The following AOAH variants were observed in gnomAD, a reference collection of about 807,000 sequenced individuals.
AOAH encodes acyloxyacyl hydrolase, also known as acyloxyacyl hydrolase (neutrophil).
In AOAH, 64 loss-of-function variants were observed where a neutral mutation model predicts 92.2. The ratio of observed to expected loss-of-function variants is 0.69; its 90% confidence interval spans 0.57 to 0.86. AOAH has a LOEUF of 0.86. Among genes scored for constraint, AOAH ranks in the 40% least tolerant of loss-of-function variants. The pLI is 0.00. For synonymous variants in AOAH, 263 were observed against 254.5 expected (o/e 1.03, Z -0.32); for missense variants, 656 against 694.6 (o/e 0.94, Z 0.62).
intron 1 of AOAH, among the ~76,000 whole-genome samples, chr7:36,705,583 T>C (rs1183642081): frequency 6.6e-6 from 1 of 152,116 alleles, no homozygotes; most frequent in Non-Finnish European, 1.5e-5. Context: ...GATTCAATGC[T>C]ATTCCCCTCA....
intron 1 of AOAH, among the ~76,000 whole-genome samples, chr7:36,689,643 G>A (rs12701521): frequency 0.026 from 3,925 of 152,290 alleles, 89 homozygotes; most frequent in Middle Eastern, 0.082. Context: ...TAGGGAAGAT[G>A]TGATTTTGGA....
chr7:36,693,199 A>G (rs1333002541), intron 1 of AOAH, among the ~76,000 whole-genome samples: 1 of 152,238 alleles, frequency 6.6e-6, no homozygotes, highest in Non-Finnish European at 1.5e-5. Context: ...ATCTTCTAAA[A>G]TAAATTTGAA....
At chr7:36,595,264 T>A (rs553963337) in intron 11 of AOAH, among the ~76,000 whole-genome samples, 1 of 152,348 alleles carries the variant, frequency 6.6e-6, no homozygotes, top group South Asian at 2.1e-4. Context: ...CCAGGTGCTG[T>A]GGCTTGTGCC....
At chr7:36,722,024 C>T (rs1472128118) in intron 1 of AOAH, among the ~76,000 whole-genome samples, 1 of 152,174 alleles carries the variant, frequency 6.6e-6, no homozygotes, top group African/African-American at 2.4e-5. Context: ...AGCCAACCCT[C>T]TAGCCATTCC....
At chr7:36,721,051 A>C (rs182373517) in intron 1 of AOAH, among the ~76,000 whole-genome samples, 9 of 152,190 alleles carry the variant, frequency 5.9e-5, no homozygotes, top group African/African-American at 2.2e-4. Flanking sequence ...TGCTTCCCAC[A>C]TACAACCCTT....
At chr7:36,562,698 A>G (rs183089294) in intron 13 of AOAH, among the ~76,000 whole-genome samples, 94 of 152,248 alleles carry the variant, frequency 6.2e-4, no homozygotes, top group Non-Finnish European at 1.0e-3. Context: ...TGGTTTCCAA[A>G]GATCCTCCCT....
intron 13 of AOAH, among the ~76,000 whole-genome samples, chr7:36,553,671 T>A (rs572811555): frequency 6.6e-6 from 1 of 152,062 alleles, no homozygotes; most frequent in South Asian, 2.1e-4. Flanking sequence ...TTTTTAATGA[T>A]CGCCATTCTA....
At chr7:36,633,359 G>C (rs1334624476) in intron 5 of AOAH, among the ~76,000 whole-genome samples, 2 of 152,190 alleles carry the variant, frequency 1.3e-5, no homozygotes, top group African/African-American at 4.8e-5. Flanking sequence ...GTCACTCAAC[G>C]TGTGATCACA....
At chr7:36,663,040 G>A (rs934901090) in intron 3 of AOAH, among the ~76,000 whole-genome samples, 4 of 152,142 alleles carry the variant, frequency 2.6e-5, no homozygotes, top group African/African-American at 7.2e-5. Flanking sequence ...CCTAAACTAC[G>A]CCTCATTTGC....
intron 1 of AOAH, among the ~76,000 whole-genome samples, chr7:36,696,821 T>C (rs1256536452): frequency 6.6e-6 from 1 of 151,722 alleles, no homozygotes; most frequent in Non-Finnish European, 1.5e-5. Flanking sequence ...GCCGAGATCA[T>C]GCCACTGTAC....
intron 6 of AOAH, 111 bp downstream of exon 6, chr7:36,631,925 C>A: frequency 1.3e-6 from 1 of 774,654 alleles, no homozygotes; most frequent in Non-Finnish European, 2.1e-6. Context: ...AACACTCTCA[C>A]CTTCAGGGAT....
chr7:36,720,304 C>T (rs1375366361), intron 1 of AOAH, among the ~76,000 whole-genome samples: 5 of 151,598 alleles, frequency 3.3e-5, no homozygotes, highest in African/African-American at 9.7e-5. Flanking sequence ...CATGCCCCAC[C>T]GTGTCCTGCT....
intron 1 of AOAH, among the ~76,000 whole-genome samples, chr7:36,711,710 G>T (rs1222719184): frequency 1.3e-5 from 2 of 152,224 alleles, no homozygotes; most frequent in Non-Finnish European, 2.9e-5. Context: ...CAGAGAATGA[G>T]GGTGGTCCAG....
chr7:36,553,292 C>A (rs1399531789), intron 13 of AOAH, among the ~76,000 whole-genome samples: 3 of 152,006 alleles, frequency 2.0e-5, no homozygotes, highest in Non-Finnish European at 4.4e-5. Context: ...CTACAAAGGA[C>A]ATGAATGAAT....
At chr7:36,523,629 G>GTTTTTTTTTTT (rs57628897) in intron 19 of AOAH, among the ~76,000 whole-genome samples, 16 of 100,138 alleles carry the variant, frequency 1.6e-4, no homozygotes, top group East Asian at 3.2e-4. Flanking sequence ...TGTTTTGCCT[G>GTTTTTTTTTTT]TTTTTTTTTT....
intron 20 of AOAH, among the ~76,000 whole-genome samples, chr7:36,515,567 AC>A (rs144256870): frequency 0.07 from 3,630 of 52,110 alleles, 238 homozygotes; most frequent in East Asian, 0.16. Flanking sequence ...ACATAATCAC[AC>A]CCCCCCCACA....
chr7:36,634,657 G>T (rs80141299), intron 5 of AOAH, among the ~76,000 whole-genome samples: 2,233 of 152,170 alleles, frequency 0.015, 28 homozygotes, highest in African/African-American at 0.031. Context: ...ACAGCACTTC[G>T]GAAATACAGA....
At chr7:36,569,375 G>A (rs28520755) in intron 13 of AOAH, among the ~76,000 whole-genome samples, 8,952 of 152,194 alleles carry the variant, frequency 0.059, 302 homozygotes, top group East Asian at 0.15. Context: ...TGGCCGCAAT[G>A]CAAATTCAGA....
intron 16 of AOAH, among the ~76,000 whole-genome samples, chr7:36,536,841 C>T (rs151299184): frequency 0.016 from 2,196 of 136,076 alleles, 58 homozygotes; most frequent in African/African-American, 0.056. Flanking sequence ...CCCAGCTACT[C>T]GGGGGAGCTG....
Sources: allele counts gnomAD v4.1 joint callset (sites outside exome capture counted in the v4.1 genomes callset), GRCh38; gene constraint gnomAD v4.1.1; transcripts MANE v1.5; gene names NCBI Gene and HGNC (gene_info 2026-07-23, HGNC 2026-07-21).